DOCK4: variants seen among roughly 807,000 people sequenced by gnomAD.
The protein encoded by DOCK4 is dedicator of cytokinesis 4, also known as dedicator of cytokinesis protein 4.
A neutral mutation model predicts 268.1 loss-of-function variants in DOCK4; 97 were observed. The observed-to-expected ratio is 0.36, with a 90% CI of 0.31 to 0.43. DOCK4 has a LOEUF of 0.43. DOCK4 is among the 20% of genes least tolerant of loss of function. The pLI, the probability that DOCK4 is intolerant of heterozygous loss-of-function variation, is 1.00. For missense variants in DOCK4, 2,145 were observed against 2,455.7 expected (o/e 0.87, Z 2.67); for synonymous variants, 954 against 887.2 (o/e 1.08, Z -1.34).
At chr7:111,809,422 A>T in intron 28 of DOCK4, 21 bp from the exon 29 acceptor site, 3 of 1,523,480 alleles carry the variant, frequency 2.0e-6, no homozygotes, top group Non-Finnish European at 2.7e-6. Context: ...AACAAGATAT[A>T]TCAATACTAT....
At chr7:111,821,025 T>C (rs879692968) in intron 27 of DOCK4, 6 of 147,468 alleles carry the variant, frequency 4.1e-5, no homozygotes, top group South Asian at 4.2e-4. Flanking sequence ...TAAAGAGAGC[T>C]ATTTCAACAC....
intron 27 of DOCK4, among the ~76,000 whole-genome samples, chr7:111,814,146 G>A (rs982708010): frequency 1.3e-5 from 2 of 152,254 alleles, no homozygotes; most frequent in Middle Eastern, 3.4e-3. Context: ...GTCACAGAAA[G>A]GAGCTAACAA....
chr7:111,987,632 A>G (rs1411667460), intron 6 of DOCK4, among the ~76,000 whole-genome samples: 1 of 152,198 alleles, frequency 6.6e-6, no homozygotes, highest in Admixed American at 6.5e-5. Context: ...TGGCAAGTCT[A>G]ATCTGTTAGG....
chr7:111,870,791 C>T (rs1361890620), intron 20 of DOCK4, among the ~76,000 whole-genome samples: 1 of 152,142 alleles, frequency 6.6e-6, no homozygotes, highest in Non-Finnish European at 1.5e-5. Context: ...CCTTATTTGT[C>T]TTTTTAAGAT....
intron 1 of DOCK4, among the ~76,000 whole-genome samples, chr7:112,095,413 G>A (rs76513302): frequency 0.013 from 1,924 of 149,944 alleles, 43 homozygotes; most frequent in African/African-American, 0.044. Flanking sequence ...ACAAAAAGGA[G>A]TCAAACCTCA....
chr7:111,763,874 C>T (rs771335618), intron 39 of DOCK4, among the ~76,000 whole-genome samples: 2 of 152,226 alleles, frequency 1.3e-5, no homozygotes, highest in Non-Finnish European at 2.9e-5. Flanking sequence ...TTTTAATTTT[C>T]ATTTTCTGGG....
intron 41 of DOCK4, among the ~76,000 whole-genome samples, chr7:111,756,235 G>C (rs1797010159): frequency 6.6e-6 from 1 of 152,196 alleles, no homozygotes; most frequent in East Asian, 1.9e-4. Flanking sequence ...TGTAGTCCCA[G>C]CTACTTGGGA....
chr7:112,141,632 T>C (rs1433081909), intron 1 of DOCK4, among the ~76,000 whole-genome samples: 1 of 152,206 alleles, frequency 6.6e-6, no homozygotes, highest in Non-Finnish European at 1.5e-5. Context: ...ACAGGTTCTA[T>C]TTCTCTGGAG....
intron 8 of DOCK4, among the ~76,000 whole-genome samples, chr7:111,962,515 G>C (rs55880220): frequency 1.3e-5 from 2 of 151,934 alleles, no homozygotes; most frequent in South Asian, 4.1e-4. Context: ...ACTCTTGCCA[G>C]CTGACTCCAG....
chr7:112,177,620 C>G lies in DOCK4; in HGVS notation c.37+28482G>C, dbSNP rs138344881. On this transcript the variant is annotated intron_variant, in intron 1 of 52. Coordinates refer to ENST00000428084, the MANE Select transcript of DOCK4 (RefSeq NM_001363540.2). ...GAGAAACTGCCTCAACTGTGATAAG[C>G]ACATTTTTTGGTTTCTGATAGCTAA... is the stretch of plus-strand genomic sequence containing the variant. Among the ~76,000 whole-genome samples the G allele has an allele frequency of 4.4e-3, 665 of 152,262 alleles. 6 individuals are homozygous for G. Among genetic ancestry groups the G allele is most frequent in the African/African-American group, 0.014 (602 of 41,548 alleles).
chr7:111,908,709 C>T (rs972887473), intron 13 of DOCK4, among the ~76,000 whole-genome samples: 14 of 152,092 alleles, frequency 9.2e-5, no homozygotes, highest in East Asian at 3.9e-4. Flanking sequence ...TGCCCCCCAC[C>T]GCCCCCAGGC....
At chr7:111,909,772 G>A (rs1189992123) in intron 13 of DOCK4, among the ~76,000 whole-genome samples, 2 of 151,738 alleles carry the variant, frequency 1.3e-5, no homozygotes, top group Non-Finnish European at 2.9e-5. Context: ...GACCAGCCTG[G>A]GCAACATAGG....
chr7:112,018,184 A>ACC (rs1802021393), intron 1 of DOCK4, among the ~76,000 whole-genome samples: 2 of 139,952 alleles, frequency 1.4e-5, no homozygotes, highest in Admixed American at 7.2e-5. Flanking sequence ...AAAAAAACAC[A>ACC]GGCAACCAGT....
rs113368733 is a variant in DOCK4, at chr7:112,001,585, A to G, written c.122-1051T>C. Among the ~76,000 whole-genome samples, 761 of 149,380 alleles carry G rather than the reference A, an allele frequency of 5.1e-3. 14 individuals are homozygous for G. Among genetic ancestry groups the G allele is most frequent in the African/African-American group, 0.016 (647 of 39,992 alleles). On this transcript the variant is annotated intron_variant, in intron 2 of 52. Transcript: ENST00000428084. ...GAAGCCATAAAGTGCTTTAAGTGAAAAGGTGAAAGTTCTTGAATTTAATAA... is the reference window on the plus strand; with the variant it reads ...GAAGCCATAAAGTGCTTTAAGTGAAGAGGTGAAAGTTCTTGAATTTAATAA...
chr7:112,048,933 C>T (rs1805101557), intron 1 of DOCK4, among the ~76,000 whole-genome samples: 1 of 152,056 alleles, frequency 6.6e-6, no homozygotes, highest in Admixed American at 6.6e-5. Context: ...TCTCCCTCCC[C>T]CTACCTCCCC....
At chr7:112,048,575 A>C (rs575704766) in intron 1 of DOCK4, among the ~76,000 whole-genome samples, 14 of 151,836 alleles carry the variant, frequency 9.2e-5, no homozygotes, top group South Asian at 2.1e-4. Flanking sequence ...AAAAACAAAA[A>C]AAAACAAAAC....
At chr7:111,866,870 T>C (rs1040399740) in intron 22 of DOCK4, among the ~76,000 whole-genome samples, 1 of 152,252 alleles carries the variant, frequency 6.6e-6, no homozygotes, top group South Asian at 2.1e-4. Flanking sequence ...CTAAGAACTC[T>C]GATCTGAAGG....
intron 1 of DOCK4, among the ~76,000 whole-genome samples, chr7:112,008,433 T>C (rs1801027741): frequency 1.3e-5 from 2 of 152,186 alleles, no homozygotes; most frequent in South Asian, 4.1e-4. Context: ...CATTCCTTTA[T>C]ATAATGATAT....
intron 1 of DOCK4, among the ~76,000 whole-genome samples, chr7:112,093,574 C>T (rs1252399057): frequency 1.3e-5 from 2 of 151,990 alleles, no homozygotes; most frequent in African/African-American, 4.8e-5. Context: ...TAAAACACTC[C>T]CAAAGTAAAG....
Sources: gnomAD v4.1 joint callset for allele counts (sites outside exome capture counted in the v4.1 genomes callset) on GRCh38, gnomAD v4.1.1 for gene constraint, MANE v1.5 for transcripts, NCBI Gene and HGNC (gene_info 2026-07-23, HGNC 2026-07-21) for gene names.